Variants in MYO15A observed in about 807,000 individuals in gnomAD.
MYO15A encodes myosin XVA, also known as unconventional myosin-XV.
In MYO15A, 308 loss-of-function variants were observed where a neutral mutation model predicts 394.6. The observed-to-expected ratio is 0.78, with a 90% confidence interval of 0.71 to 0.86. The LOEUF is 0.86. MYO15A is among the 40% of genes least tolerant of loss of function. The pLI, the probability that MYO15A is intolerant of heterozygous loss-of-function variation, is 0.00. For missense variants in MYO15A, 4,606 were observed against 4,799.1 expected, an observed-to-expected ratio of 0.96 and a Z score of 1.19; for synonymous variants, 1,957 against 2,003.8, an observed-to-expected ratio of 0.98 and a Z score of 0.62.
chr17:18,124,435 AG>A (rs751285415), intron 2 of MYO15A, 47 bp from the exon 3 acceptor site: 31 of 1,582,816 alleles, frequency 2.0e-5, no homozygotes, highest in South Asian at 5.5e-5. Context: ...TCAGTGGGGG[AG>A]GGGGGTGCCC....
At chr17:18,157,978 G>A (rs929391202) in intron 51 of MYO15A, 78 bp downstream of exon 51, 3 of 1,434,696 alleles carry the variant, frequency 2.1e-6, no homozygotes, top group Middle Eastern at 2.6e-4. Flanking sequence ...GGCGAGTGGG[G>A]ATAAGGTGGG....
chr17:18,175,921 A>G (rs1279418974), intron 65 of MYO15A, among the ~76,000 whole-genome samples: 3 of 151,614 alleles, frequency 2.0e-5, no homozygotes, highest in Admixed American at 2.0e-4. Context: ...CCTTGTGCTG[A>G]GCTTGTTCTC....
Position 18,118,915 on chromosome 17 carries a change from G to T in MYO15A, c.115G>T (p.Gly39Cys). The change falls in exon 2 of 66, where the codon GGC (glycine) becomes TGC (cysteine). Residue 39 changes from glycine (G) to cysteine (C), a missense_variant. Physicochemically the swap from Gly to Cys is radical, Grantham distance 159. Transcript: ENST00000647165. ...SLKGTSRLFM[G>C]FRDRTPKISK... ...GAAGGGGACGTCGCGGCTGTTCATGGGCTTCCGCGACCGTACACCCAAGAT... is the reference window on the plus strand; with the variant it reads ...GAAGGGGACGTCGCGGCTGTTCATGTGCTTCCGCGACCGTACACCCAAGAT... 6.2e-7 allele frequency: 1 copy of T among 1,613,818 alleles called. No homozygotes were observed. Among genetic ancestry groups the T allele is most frequent in the Admixed American group, 1.7e-5 (1 of 60,008 alleles).
chr17:18,141,360 A>G (rs984020152), intron 22 of MYO15A, among the ~76,000 whole-genome samples: 6 of 152,250 alleles, frequency 3.9e-5, no homozygotes, highest in African/African-American at 1.4e-4. Flanking sequence ...TAATATGTCT[A>G]ATCAACGCTC....
Position 18,152,119 on chromosome 17 carries a change from G to A in MYO15A, c.7901G>A (p.Arg2634Lys), listed in dbSNP as rs1249502986. 7 of 1,551,644 alleles carry A rather than the reference G, an allele frequency of 4.5e-6. No homozygotes were observed. Among genetic ancestry groups the A allele is most frequent in the Non-Finnish European group, 6.1e-6 (7 of 1,147,168 alleles). Reference sequence around the variant, plus strand: ...CTCTTTGGGGTGGGACAGGTGTCCAGAGAGGCCGTGGCCCTGGTGAAGCCG... The same window carrying A: ...CTCTTTGGGGTGGGACAGGTGTCCAAAGAGGCCGTGGCCCTGGTGAAGCCG... The part of the protein sequence containing the change: ...LAAAPGTQVS[R>K]EAVALVKPVT... Residue 2634 changes from arginine (R) to lysine (K), a missense_variant, in exon 42 of 66, where the codon AGA (arginine) becomes AAA (lysine). Around this residue, in one of 2 missense-constraint regions of MYO15A, gnomAD observed 2,776 missense variants for 3,109.3 expected, o/e 0.89. Coordinates refer to ENST00000647165, the MANE Select transcript of MYO15A (RefSeq NM_016239.4).
intron 51 of MYO15A, chr17:18,158,182 C>G (rs569117658): frequency 4.0e-4 from 235 of 590,614 alleles, no homozygotes; most frequent in Non-Finnish European, 6.7e-4. Flanking sequence ...CCGGGGCCCG[C>G]CAGTTGGTGA....
At chr17:18,162,103 G>A (rs957414937) in intron 57 of MYO15A, among the ~76,000 whole-genome samples, 2 of 152,160 alleles carry the variant, frequency 1.3e-5, no homozygotes, top group African/African-American at 4.8e-5. Context: ...GCTCCCAGAT[G>A]CATAAAAGCA....
Position 18,112,543 on chromosome 17 carries a change from G to A in MYO15A, c.-220+3719G>A, listed in dbSNP as rs142267556. Among the ~76,000 whole-genome samples, 1,045 of 152,216 alleles carry A rather than the reference G, an allele frequency of 6.9e-3. 5 individuals are homozygous for A. Among genetic ancestry groups the A allele is most frequent in the Non-Finnish European group, 0.011 (724 of 68,004 alleles). The stretch of plus-strand genomic sequence containing the variant: ...CCACACTGTGCATATCTGTAGCTGG[G>A]ATTACAGGTGTGCACCACCATGTTC... On this transcript the variant is annotated intron_variant, in intron 1 of 65. Coordinates refer to ENST00000647165, the MANE Select transcript of MYO15A (RefSeq NM_016239.4).
intron 24 of MYO15A, 113 bp downstream of exon 24, chr17:18,142,367 T>C (rs2046398044): frequency 1.4e-5 from 18 of 1,247,954 alleles, no homozygotes. Flanking sequence ...AAGCTGAGGG[T>C]GGAGGCCTCT....
intron 2 of MYO15A, chr17:18,123,354 G>A (rs1485732846): frequency 6.6e-6 from 1 of 152,336 alleles, no homozygotes; most frequent in Non-Finnish European, 1.5e-5. Flanking sequence ...GTCTAGGGGT[G>A]AGGGGCAAGG....
chr17:18,135,643 G>A (rs2142315024), intron 12 of MYO15A, 68 bp from the exon 13 acceptor site: 1 of 1,498,908 alleles, frequency 6.7e-7, no homozygotes. Context: ...GCCCGGCCCT[G>A]TTTTTCATAT....
At position 18,156,346 on chromosome 17, in the gene MYO15A, T is replaced by C; in HGVS notation, c.8601+10T>C. Reference sequence around the variant, plus strand: ...CTTGGAGCTGAAGAAGGTCAGGATCTTCTCACAGATCTTCCCTCCACCCAG... The same window carrying C: ...CTTGGAGCTGAAGAAGGTCAGGATCCTCTCACAGATCTTCCCTCCACCCAG... On this transcript the variant is annotated intron_variant, in intron 48 of 65. Transcript: ENST00000647165. The C allele has an allele frequency of 6.2e-7, 1 of 1,613,936 alleles. No individual in the cohort carries two copies. The highest frequency in any genetic ancestry group is 1.1e-5 in the South Asian group (1 of 91,056).
Position 18,153,746 on chromosome 17 carries a change from C to T in MYO15A, c.7967-29C>T. 3 of 1,612,322 alleles carry T rather than the reference C, an allele frequency of 1.9e-6. 1 individual carries two copies. The highest frequency in any genetic ancestry group is 2.2e-5 in the South Asian group (2 of 91,032). ...TAAATAAAAAAACGAGGTGCCTTCTCCTGACTCCCTGATCCCCGCGCTCTC... is the reference window on the plus strand; with the variant it reads ...TAAATAAAAAAACGAGGTGCCTTCTTCTGACTCCCTGATCCCCGCGCTCTC... On this transcript the variant is annotated intron_variant, in intron 42 of 65. Transcript: ENST00000647165. The surrounding 1 kb of genome is among the most constrained non-coding windows in gnomAD (Gnocchi z 4.1).
At chr17:18,166,575 C>T in intron 61 of MYO15A, 54 bp downstream of exon 61, 1 of 1,600,972 alleles carries the variant, frequency 6.2e-7, no homozygotes, top group South Asian at 1.1e-5. Flanking sequence ...TCCCCTGGGC[C>T]TGTGAATCAG....
Position 18,164,069 on chromosome 17 carries a change from T to G in MYO15A, c.9787+231T>G, listed in dbSNP as rs2046814243. On this transcript the variant is annotated intron_variant, in intron 60 of 65. Transcript: ENST00000647165. ...ACCTTATGATGAGAGCCCTCTCTCA[T>G]CCCTCCCTTTGTCCCTCAGGACATG... 8 of 575,118 alleles carry G rather than the reference T, an allele frequency of 1.4e-5. No homozygotes were observed. The South Asian group carries it at 1.5e-4, about 11-fold the overall frequency. The allele number at this position is 575,118 out of a possible 1,614,324, so 35.6% of individuals were successfully genotyped here.
intron 51 of MYO15A, 114 bp downstream of exon 51, chr17:18,158,014 G>A: frequency 7.3e-7 from 1 of 1,376,818 alleles, no homozygotes; most frequent in Middle Eastern, 2.6e-4. Flanking sequence ...GGCTCTTGGG[G>A]CGTGGCTGAT....
At position 18,167,741 on chromosome 17, in the gene MYO15A, T is replaced by C. The variant is rs752662000; in HGVS notation, c.10082+18T>C. 6.2e-7 allele frequency: 1 copy of C among 1,601,692 alleles called. No homozygotes were observed. Among genetic ancestry groups the C allele is most frequent in the East Asian group, 2.2e-5 (1 of 44,882 alleles). ...CCGAGCGTGTGAGCATCTGCCCTCC[T>C]GCCTCAGCTGGGGTGGACAGGCAAC... On this transcript the variant is annotated intron_variant, in intron 62 of 65. Coordinates refer to ENST00000647165, the MANE Select transcript of MYO15A (RefSeq NM_016239.4).
Position 18,148,953 on chromosome 17 carries a change from G to A in MYO15A, c.6956+1G>A, listed in dbSNP as rs1465311328. The A allele has an allele frequency of 1.3e-6, 2 of 1,590,020 alleles. No individual in the cohort carries two copies. Among genetic ancestry groups the A allele is most frequent in the Admixed American group, 3.5e-5 (2 of 56,670 alleles). ...CAGCCAGCAGGGGAGGCCCCAAAGT[G>A]TAGGTAGCTATGGGGGACCCCCTCA... On this transcript the variant is annotated splice_donor_variant, in intron 33 of 65. Transcript: ENST00000647165. LOFTEE classifies it high-confidence loss of function. This position sits in a 1 kb window ranked among gnomAD's most constrained non-coding sequence, Gnocchi z 4.8.
chr17:18,136,042 C>T (rs1463653411), intron 13 of MYO15A, among the ~76,000 whole-genome samples: 1 of 152,198 alleles, frequency 6.6e-6, no homozygotes, highest in Non-Finnish European at 1.5e-5. Flanking sequence ...TGCTCTTCCT[C>T]TTTTCACACC....
Sources: allele counts gnomAD v4.1 joint callset (sites outside exome capture counted in the v4.1 genomes callset), GRCh38; gene constraint gnomAD v4.1.1; regional missense constraint gnomAD v4.1.1; non-coding constraint Gnocchi (gnomAD v3.1); transcripts MANE v1.5; gene names NCBI Gene and HGNC (gene_info 2026-07-23, HGNC 2026-07-21).